SPG7: variants seen among roughly 807,000 people sequenced by gnomAD.
SPG7 encodes the protein mitochondrial inner membrane m-AAA protease component paraplegin.
Under a neutral mutation model 81.9 loss-of-function variants are expected in SPG7, and 103 were observed. The observed-to-expected ratio is 1.26, with a 90% confidence interval of 1.07 to 1.48. The LOEUF (loss-of-function observed/expected upper bound fraction) is 1.48. SPG7 is among the 40% of genes most tolerant of loss of function. The pLI is 0.00. For missense variants in SPG7, 1,241 were observed against 1,087.3 expected, an observed-to-expected ratio of 1.14 and a Z score of -1.99; for synonymous variants, 534 against 444.2, an observed-to-expected ratio of 1.20 and a Z score of -2.54.
chr16:89,535,906 C>T (rs1314788820), intron 9 of SPG7, among the ~76,000 whole-genome samples: 1 of 129,504 alleles, frequency 7.7e-6, no homozygotes, highest in Non-Finnish European at 1.7e-5. Flanking sequence ...GTGTGGCCTT[C>T]ACTGTGGCCT....
At chr16:89,545,371 G>A (rs977368221) in intron 10 of SPG7, 1 of 202,214 alleles carries the variant, frequency 4.9e-6, no homozygotes, top group Non-Finnish European at 1.0e-5. Flanking sequence ...TTTGGAGAGA[G>A]GGCCTCCGGG....
chr16:89,536,482 G>GAGGCGGGCGAGGCGGGCA (rs2058420614), intron 9 of SPG7, among the ~76,000 whole-genome samples: 2 of 130,102 alleles, frequency 1.5e-5, no homozygotes, highest in Non-Finnish European at 3.3e-5. Flanking sequence ...TGAGGCGGGT[G>GAGGCGGGCGAGGCGGGCA]AGGTCAGGTG....
At chr16:89,538,107 A>G (rs1312061302) in intron 9 of SPG7, 1 of 152,192 alleles carries the variant, frequency 6.6e-6, no homozygotes, top group Non-Finnish European at 1.5e-5. Context: ...TCTCCCACTC[A>G]GAAGCATTGG....
chr16:89,553,165 T>A, intron 14 of SPG7, 30 bp downstream of exon 14: 2 of 1,569,612 alleles, frequency 1.3e-6, no homozygotes, highest in Non-Finnish European at 1.7e-6. Flanking sequence ...GCCCTGGAGG[T>A]TTCAGAGCGC....
chr16:89,530,915 G>A, intron 7 of SPG7, 107 bp downstream of exon 7: 1 of 1,504,830 alleles, frequency 6.6e-7, no homozygotes, highest in Non-Finnish European at 9.2e-7. Context: ...CGTGTCGTGG[G>A]TTGGCGGTGA....
rs112592929 is a variant in SPG7 at position 89,529,892 on chromosome 16, T to C, written c.861+313T>C. On this transcript the variant is annotated intron_variant, in intron 6 of 16. Coordinates refer to ENST00000645818, the MANE Select transcript of SPG7 (RefSeq NM_003119.4). The stretch of plus-strand genomic sequence containing the variant: ...TTCGCCCTTCTTGCCCAGGCTGGAG[T>C]GCAGCCGTGCGATCTCAGCTCACCG... 6.3e-3 allele frequency: 2,450 copies of C among 390,644 alleles called. 52 individuals are homozygous for C. The highest frequency in any genetic ancestry group is 0.043 in the African/African-American group (2,087 of 48,358). The allele number at this position is 390,644 out of a possible 1,614,324, so 24.2% of individuals were successfully genotyped here.
chr16:89,521,429 A>C (rs185105017), intron 3 of SPG7: 1 of 152,240 alleles, frequency 6.6e-6, no homozygotes, highest in African/African-American at 2.4e-5. Flanking sequence ...TTGTAGACCA[A>C]ATCCAAGCTG....
chr16:89,551,242 C>A (rs998122881), intron 13 of SPG7: 2 of 173,688 alleles, frequency 1.2e-5, no homozygotes, highest in Admixed American at 1.1e-4. Flanking sequence ...AGTGGAGCCC[C>A]AGGAAGCCGT....
intron 9 of SPG7, chr16:89,537,964 C>T (rs2058448358): frequency 1.2e-5 from 2 of 173,122 alleles, no homozygotes; most frequent in African/African-American, 2.4e-5. Flanking sequence ...AGGAGCCGGC[C>T]GTCTGACTCA....
chr16:89,550,161 C>G (rs74251521), intron 12 of SPG7: 2 of 358,480 alleles, frequency 5.6e-6, no homozygotes, highest in Admixed American at 3.8e-5. Flanking sequence ...CTCAGCTCAC[C>G]CCCCCGTCAT....
chr16:89,536,328 G>C (rs1414577577), intron 9 of SPG7, among the ~76,000 whole-genome samples: 1 of 151,998 alleles, frequency 6.6e-6, no homozygotes, highest in Non-Finnish European at 1.5e-5. Flanking sequence ...CTCTGGTGCT[G>C]TGTGGCCTTC....
chr16:89,548,568 T>C (rs1373843984), intron 12 of SPG7: 4 of 313,530 alleles, frequency 1.3e-5, no homozygotes, highest in East Asian at 9.0e-5. Flanking sequence ...TGCGGAGAGG[T>C]GTGGATCTGC....
intron 12 of SPG7, 156 bp downstream of exon 12, chr16:89,548,269 C>T (rs922783858): frequency 3.2e-6 from 2 of 618,678 alleles, no homozygotes; most frequent in African/African-American, 1.8e-5. Flanking sequence ...CTTTATGATA[C>T]CTTGTACTTT....
At chr16:89,552,638 C>T in intron 13 of SPG7, 2 of 365,872 alleles carry the variant, frequency 5.5e-6, no homozygotes, top group Middle Eastern at 9.6e-4. Flanking sequence ...CAGTAGCTGT[C>T]GCTGGTGTGA....
intron 3 of SPG7, among the ~76,000 whole-genome samples, chr16:89,513,244 A>T (rs2058046203): frequency 6.6e-6 from 1 of 152,186 alleles, no homozygotes; most frequent in African/African-American, 2.4e-5. Context: ...GTCTCACTGC[A>T]AATTAAAAGG....
intron 6 of SPG7, 148 bp from the exon 7 acceptor site, chr16:89,530,535 C>G: frequency 1.2e-6 from 1 of 849,412 alleles, no homozygotes; most frequent in East Asian, 2.4e-5. Flanking sequence ...TGACTGTGAG[C>G]CTCGTCAGCC....
chr16:89,536,163 C>T (rs1219353712), intron 9 of SPG7, among the ~76,000 whole-genome samples: 3 of 95,898 alleles, frequency 3.1e-5, no homozygotes, highest in Admixed American at 1.1e-4. Flanking sequence ...TCAGTGTGGC[C>T]GCTCTGGTGC....
At chr16:89,535,718 G>A (rs1419176316) in intron 9 of SPG7, among the ~76,000 whole-genome samples, 1 of 152,222 alleles carries the variant, frequency 6.6e-6, no homozygotes, top group Non-Finnish European at 1.5e-5. Flanking sequence ...GCCTCTGCTG[G>A]GAGAGCTGCC....
intron 9 of SPG7, among the ~76,000 whole-genome samples, chr16:89,534,315 A>G (rs563162358): frequency 2.6e-5 from 4 of 152,278 alleles, no homozygotes; most frequent in African/African-American, 9.6e-5. Context: ...GGCCACCTGT[A>G]CTGGGCACGT....
Sources: gnomAD v4.1 joint callset for allele counts (sites outside exome capture counted in the v4.1 genomes callset) on GRCh38, gnomAD v4.1.1 for gene constraint, MANE v1.5 for transcripts, NCBI Gene and HGNC (gene_info 2026-07-23, HGNC 2026-07-21) for gene names.